The following SAMMSON variants were observed in gnomAD, a reference collection of about 807,000 sequenced individuals.
SAMMSON encodes the protein survival associated mitochondrial melanoma specific oncogenic non-coding RNA.
chr3:70,417,162 G>A (rs2106771860), intron 2 of SAMMSON, among the ~76,000 whole-genome samples: 1 of 152,196 alleles, frequency 6.6e-6, no homozygotes, highest in African/African-American at 2.4e-5. Context: ...ACGCTTTCCT[G>A]AATAGAGAAA....
At chr3:70,018,201 A>C (rs2066995205) in intron 3 of SAMMSON, among the ~76,000 whole-genome samples, 1 of 152,082 alleles carries the variant, frequency 6.6e-6, no homozygotes, top group Admixed American at 6.6e-5. Context: ...TCGGCTGTGA[A>C]TCCATCTGGT....
chr3:70,316,161 C>G (rs1433169095), intron 7 of SAMMSON, among the ~76,000 whole-genome samples: 1 of 152,106 alleles, frequency 6.6e-6, no homozygotes. Flanking sequence ...TCTTTGCTAA[C>G]AGAGTAATCT....
chr3:70,373,975 C>T (rs774474191), intron 9 of SAMMSON, among the ~76,000 whole-genome samples: 1 of 152,238 alleles, frequency 6.6e-6, no homozygotes, highest in Admixed American at 6.5e-5. Context: ...AGTGCAATGG[C>T]GCCATCTCGG....
intron 7 of SAMMSON, among the ~76,000 whole-genome samples, chr3:70,344,452 C>G (rs996791309): frequency 6.6e-6 from 1 of 152,172 alleles, no homozygotes; most frequent in African/African-American, 2.4e-5. Context: ...ATCCCACTGA[C>G]AGCCACCTCC....
chr3:70,279,683 C>G (rs975280764), intron 6 of SAMMSON, among the ~76,000 whole-genome samples: 4 of 152,184 alleles, frequency 2.6e-5, no homozygotes, highest in African/African-American at 7.2e-5. Context: ...TCTGCATTTA[C>G]AGATGCAAAC....
At chr3:70,268,199 G>T (rs1044937611) in intron 6 of SAMMSON, among the ~76,000 whole-genome samples, 11 of 152,090 alleles carry the variant, frequency 7.2e-5, no homozygotes, top group Non-Finnish European at 1.5e-4. Flanking sequence ...GGCTGGGCGC[G>T]GTAGCTCACG....
At chr3:70,158,785 A>T in intron 4 of SAMMSON, among the ~76,000 whole-genome samples, 1 of 152,092 alleles carries the variant, frequency 6.6e-6, no homozygotes, top group East Asian at 1.9e-4. Flanking sequence ...TGCAAATTTT[A>T]CTGAGTAGAT....
chr3:70,258,164 A>T (rs1701834218), intron 6 of SAMMSON, among the ~76,000 whole-genome samples: 1 of 152,162 alleles, frequency 6.6e-6, no homozygotes, highest in South Asian at 2.1e-4. Context: ...TCTAAATGTA[A>T]GGCAAAAACT....
intron 4 of SAMMSON, chr3:70,137,717 A>G (rs1252941333): frequency 6.6e-6 from 1 of 152,222 alleles, no homozygotes; most frequent in Non-Finnish European, 1.5e-5. Flanking sequence ...ATTAATTTTA[A>G]CATTTTATGT....
intron 7 of SAMMSON, among the ~76,000 whole-genome samples, chr3:70,338,103 T>C (rs1376465234): frequency 6.6e-6 from 1 of 151,794 alleles, no homozygotes; most frequent in Admixed American, 6.6e-5. Context: ...AGCAGTGTGT[T>C]TTAATGAGGG....
chr3:70,260,509 G>A, intron 6 of SAMMSON, among the ~76,000 whole-genome samples: 1 of 152,020 alleles, frequency 6.6e-6, no homozygotes, highest in East Asian at 1.9e-4. Context: ...ATCATCTTCT[G>A]ATTGTGTTAA....
chr3:70,169,440 G>A (rs2067652476), intron 4 of SAMMSON, among the ~76,000 whole-genome samples: 1 of 151,880 alleles, frequency 6.6e-6, no homozygotes, highest in Non-Finnish European at 1.5e-5. Context: ...ATGATTTAGG[G>A]TGATATTTCC....
At chr3:70,432,394 C>CAAATATA (rs1575648288) in intron 2 of SAMMSON, among the ~76,000 whole-genome samples, 1 of 150,846 alleles carries the variant, frequency 6.6e-6, no homozygotes, top group East Asian at 1.9e-4. Context: ...ATTCATTTGT[C>CAAATATA]AAATATATAT....
At chr3:70,295,889 C>T (rs1189409563) in intron 7 of SAMMSON, among the ~76,000 whole-genome samples, 1 of 152,068 alleles carries the variant, frequency 6.6e-6, no homozygotes, top group Non-Finnish European at 1.5e-5. Flanking sequence ...TTGATCTTTG[C>T]CTTGTTTCCC....
At chr3:70,042,245 C>T (rs1002048658) in intron 3 of SAMMSON, among the ~76,000 whole-genome samples, 45 of 151,980 alleles carry the variant, frequency 3.0e-4, no homozygotes, top group Admixed American at 3.0e-3. Flanking sequence ...CACTAGAAAG[C>T]CTGTGTTATT....
chr3:70,304,637 A>G (rs1207815205), intron 7 of SAMMSON, among the ~76,000 whole-genome samples: 1 of 152,124 alleles, frequency 6.6e-6, no homozygotes, highest in African/African-American at 2.4e-5. Flanking sequence ...CTAAAATTCA[A>G]TTATTTCTAT....
At chr3:70,074,145 T>C (rs1302109916) in intron 4 of SAMMSON, among the ~76,000 whole-genome samples, 3 of 152,088 alleles carry the variant, frequency 2.0e-5, no homozygotes, top group Non-Finnish European at 2.9e-5. Flanking sequence ...AAACAATGAC[T>C]AGCTTTGGAA....
chr3:70,132,310 T>C (rs1460599672), intron 4 of SAMMSON, among the ~76,000 whole-genome samples: 2 of 152,170 alleles, frequency 1.3e-5, no homozygotes, highest in African/African-American at 4.8e-5. Flanking sequence ...ACAGAGGGCC[T>C]TTTTGTCCTC....
At chr3:70,068,194 A>G (rs927233251) in intron 3 of SAMMSON, 1 of 152,036 alleles carries the variant, frequency 6.6e-6, no homozygotes, top group Non-Finnish European at 1.5e-5. Flanking sequence ...TTTTCCTGTT[A>G]TAGAACCGCT....
Sources: gnomAD v4.1 joint callset for allele counts (sites outside exome capture counted in the v4.1 genomes callset) on GRCh38, gnomAD v4.1.1 for gene constraint, MANE v1.5 for transcripts, NCBI Gene and HGNC (gene_info 2026-07-23, HGNC 2026-07-21) for gene names.